CCSER1: variants seen among roughly 807,000 people sequenced by gnomAD.
CCSER1 encodes serine-rich coiled-coil domain-containing protein 1.
A neutral mutation model predicts 82.0 loss-of-function variants in CCSER1; 41 were observed. The ratio of observed to expected loss-of-function variants is 0.50; its 90% CI spans 0.39 to 0.65. The LOEUF (loss-of-function observed/expected upper bound fraction) is 0.65. Ranked by LOEUF, CCSER1 falls within the 30% of genes least tolerant of loss-of-function variation. The probability of loss-of-function intolerance (pLI) is 0.00; values close to 1 mark genes in which losing one functional copy is unlikely to be tolerated. For missense variants in CCSER1, 1,119 were observed against 1,064.2 expected (o/e 1.05, Z -0.72); for synonymous variants, 414 against 383.9 (o/e 1.08, Z -0.92).
At chr4:90,563,623 T>A (rs1182553432) in intron 5 of CCSER1, among the ~76,000 whole-genome samples, 1 of 152,198 alleles carries the variant, frequency 6.6e-6, no homozygotes, top group Non-Finnish European at 1.5e-5. Context: ...GATTTCATTC[T>A]TTTTTGAGGG....
In CCSER1 at chr4:91,020,490, G is replaced by A. The variant is rs545534154; in HGVS notation, c.2173-65460G>A. On this transcript the variant is annotated intron_variant, in intron 9 of 10. Transcript: ENST00000509176. ...ATCCTGGCTAACACAGTGAAACCCC[G>A]TCTCTACTAAAAATACAAAAAATTA... 1.8e-4 allele frequency among the ~76,000 whole-genome samples: 28 copies of A among 152,074 alleles called. 1 individual carries two copies. The South Asian group carries it at 3.3e-3, about 18-fold the overall frequency.
At position 90,430,181 on chromosome 4, in the gene CCSER1, C is replaced by G. The variant is rs565492876; in HGVS notation, c.1603+30052C>G. On this transcript the variant is annotated intron_variant, in intron 4 of 10. Coordinates refer to ENST00000509176, the MANE Select transcript of CCSER1 (RefSeq NM_001145065.2). ...GATGACATTACAGTTACAATTTGTA[C>G]TTATTTTATCCAATAACTGAATTTT... Among the ~76,000 whole-genome samples the G allele has an allele frequency of 3.9e-5, 6 of 151,944 alleles. No individual in the cohort carries two copies. In the South Asian group the frequency reaches 1.0e-3, roughly 26 times the overall value.
chr4:90,673,667 C>T (rs949232040), intron 6 of CCSER1, among the ~76,000 whole-genome samples: 3 of 151,974 alleles, frequency 2.0e-5, no homozygotes, highest in Non-Finnish European at 4.4e-5. Context: ...GTAAAGAACA[C>T]ATCTGTATTA....
At chr4:90,217,189 T>C (rs62313899) in intron 1 of CCSER1, among the ~76,000 whole-genome samples, 10,145 of 152,154 alleles carry the variant, frequency 0.067, 431 homozygotes, top group Middle Eastern at 0.13. Flanking sequence ...GTGGAGTCTT[T>C]AGACGTTTTT....
At chr4:90,907,096 G>A (rs1180570350) in intron 8 of CCSER1, among the ~76,000 whole-genome samples, 1 of 152,104 alleles carries the variant, frequency 6.6e-6, no homozygotes, top group Non-Finnish European at 1.5e-5. Flanking sequence ...TGACCTACTG[G>A]AGTTGCTGAC....
chr4:91,376,258 C>T (rs1390087275), intron 10 of CCSER1, among the ~76,000 whole-genome samples: 1 of 152,116 alleles, frequency 6.6e-6, no homozygotes, highest in African/African-American at 2.4e-5. Context: ...CATCATTGTA[C>T]AAGCAACCTA....
intron 9 of CCSER1, among the ~76,000 whole-genome samples, chr4:91,032,594 C>G (rs1467887717): frequency 6.6e-6 from 1 of 152,066 alleles, no homozygotes; most frequent in Non-Finnish European, 1.5e-5. Context: ...GAACACTGAC[C>G]AAGAAGTTAA....
At position 90,309,620 on chromosome 4, in the gene CCSER1, T is replaced by A; in HGVS notation, c.1324+12T>A. On this transcript the variant is annotated intron_variant, in intron 2 of 10. Coordinates refer to ENST00000509176, the MANE Select transcript of CCSER1 (RefSeq NM_001145065.2). The stretch of plus-strand genomic sequence containing the variant: ...AAATCCTGCCAAAGGTATGCTGATT[T>A]TTTTTGTATAACAAATGATATGAAT... The A allele has an allele frequency of 1.3e-6, 2 of 1,536,026 alleles. No homozygotes were observed. Among genetic ancestry groups the A allele is most frequent in the East Asian group, 2.3e-5 (1 of 44,092 alleles).
chr4:90,337,559 G>T (rs1467339165), intron 3 of CCSER1, among the ~76,000 whole-genome samples: 3 of 151,886 alleles, frequency 2.0e-5, no homozygotes, highest in African/African-American at 7.3e-5. Flanking sequence ...TACAAATGAG[G>T]AAATTGAGAT....
chr4:90,347,353 A>ATCTATCTATC (rs1159794575), intron 3 of CCSER1, among the ~76,000 whole-genome samples: 4 of 103,954 alleles, frequency 3.8e-5, no homozygotes, highest in South Asian at 3.2e-4. Context: ...ATCTATCTAT[A>ATCTATCTATC]TACTTTATTG....
intron 10 of CCSER1, among the ~76,000 whole-genome samples, chr4:91,521,965 T>G (rs112308023): frequency 7.0e-4 from 107 of 152,338 alleles, no homozygotes; most frequent in African/African-American, 2.4e-3. Context: ...CATGCCTATG[T>G]CCTGAATGGT....
intron 5 of CCSER1, among the ~76,000 whole-genome samples, chr4:90,483,980 T>G (rs973827177): frequency 9.2e-5 from 14 of 152,260 alleles, no homozygotes; most frequent in Non-Finnish European, 1.5e-4. Context: ...TCCAACTTGG[T>G]TCCATTCTCC....
chr4:90,791,833 A>C lies in CCSER1; in HGVS notation c.2011-23929A>C, dbSNP rs1162558647. On this transcript the variant is annotated intron_variant, in intron 7 of 10. Coordinates refer to ENST00000509176, the MANE Select transcript of CCSER1 (RefSeq NM_001145065.2). ...CGAGACTGTCTCAAAAAAAAAAAAA[A>C]CACACACACACACACGTTTATAAGA... Among the ~76,000 whole-genome samples the C allele has an allele frequency of 4.3e-5, 6 of 140,104 alleles. 1 individual carries two copies. The South Asian group carries it at 1.2e-3, about 27-fold the overall frequency. 91.9% of individuals were successfully genotyped at this position (140,104 alleles called of 152,430 possible). A position where few individuals can be genotyped will look rare whatever the true frequency, so the allele number is the denominator to read the frequency against.
intron 1 of CCSER1, among the ~76,000 whole-genome samples, chr4:90,144,769 T>C (rs1243276610): frequency 6.6e-6 from 1 of 152,176 alleles, no homozygotes. Context: ...TTATGCATTA[T>C]GGGAAAATTT....
At position 91,377,926 on chromosome 4, in the gene CCSER1, A is replaced by G. The variant is rs948388647; in HGVS notation, c.2218-220646A>G. ...TAATCCATCTTGAATTAATTTTTGT[A>G]TAAGGTGTAAGGAAGGGATCCAGTT... On this transcript the variant is annotated intron_variant, in intron 10 of 10. Transcript: ENST00000509176. Among the ~76,000 whole-genome samples the G allele has an allele frequency of 2.6e-5, 4 of 152,152 alleles. No individual in the cohort carries two copies. In the South Asian group the frequency reaches 8.3e-4, roughly 31 times the overall value.
At chr4:91,075,228 C>A (rs2148780647) in intron 9 of CCSER1, among the ~76,000 whole-genome samples, 1 of 151,558 alleles carries the variant, frequency 6.6e-6, no homozygotes, top group South Asian at 2.1e-4. Context: ...CCGTACTAAA[C>A]CATCTTAATT....
At chr4:91,442,612 A>G (rs2149407838) in intron 10 of CCSER1, among the ~76,000 whole-genome samples, 1 of 138,286 alleles carries the variant, frequency 7.2e-6, no homozygotes, top group East Asian at 2.1e-4. Context: ...AAAAGCCAAA[A>G]TTGACAAATG....
intron 5 of CCSER1, among the ~76,000 whole-genome samples, chr4:90,477,819 C>T (rs1021814765): frequency 4.6e-5 from 7 of 151,732 alleles, no homozygotes; most frequent in Non-Finnish European, 8.8e-5. Context: ...GTAGAACCAA[C>T]CATGATAGTT....
At chr4:90,133,519 A>G (rs1723148035) in intron 1 of CCSER1, among the ~76,000 whole-genome samples, 1 of 152,202 alleles carries the variant, frequency 6.6e-6, no homozygotes, top group Non-Finnish European at 1.5e-5. Context: ...TACAATAATA[A>G]TATCACACAT....
Sources: allele counts gnomAD v4.1 joint callset (sites outside exome capture counted in the v4.1 genomes callset), GRCh38; gene constraint gnomAD v4.1.1; transcripts MANE v1.5; gene names NCBI Gene and HGNC (gene_info 2026-07-23, HGNC 2026-07-21).